The following PFKP variants were observed in gnomAD, a reference collection of about 807,000 sequenced individuals.
The protein encoded by PFKP is ATP-dependent 6-phosphofructokinase, platelet type.
Under a neutral mutation model 94.3 loss-of-function variants are expected in PFKP, and 101 were observed. That is an observed-to-expected ratio of 1.07 (90% CI 0.91 to 1.26). The LOEUF (loss-of-function observed/expected upper bound fraction) is 1.26. Ranked by LOEUF, PFKP falls within the 50% of genes most tolerant of loss-of-function variation. The pLI is 0.00. For synonymous variants in PFKP, 573 were observed against 432.6 expected (o/e 1.32, Z -4.03); for missense variants, 1,145 against 1,103.3 (o/e 1.04, Z -0.53).
intron 16 of PFKP, among the ~76,000 whole-genome samples, chr10:3,128,620 A>ACGCCTTGTT (rs1289251158): frequency 3.5e-5 from 5 of 142,988 alleles, no homozygotes; most frequent in African/African-American, 1.3e-4. Context: ...CACGCCTTGT[A>ACGCCTTGTT]CGCCTTGTTC....
chr10:3,126,559 C>T (rs1253276433), intron 16 of PFKP, among the ~76,000 whole-genome samples: 1 of 152,220 alleles, frequency 6.6e-6, no homozygotes, highest in East Asian at 1.9e-4. Context: ...GGACAGGACC[C>T]CCACCCCCTG....
At chr10:3,081,999 T>TTTTTTTC (rs1833119996) in intron 1 of PFKP, among the ~76,000 whole-genome samples, 1 of 126,220 alleles carries the variant, frequency 7.9e-6, no homozygotes, top group Non-Finnish European at 1.7e-5. Flanking sequence ...TTTTTTTTTT[T>TTTTTTTC]TTTTTTTTTT....
In PFKP at chr10:3,136,436, T is replaced by C; in HGVS notation, c.2226-14T>C. ...GACTGCAGGCCTCACTGCTGTCTCC[T>C]CTTACCTCCACAGGCACAGGATTCC... On this transcript the variant is annotated splice_polypyrimidine_tract_variant and intron_variant, in intron 21 of 21. Coordinates refer to ENST00000381125, the MANE Select transcript of PFKP (RefSeq NM_002627.5). The C allele has an allele frequency of 6.2e-7, 1 of 1,613,332 alleles. No individual in the cohort carries two copies. Among genetic ancestry groups the C allele is most frequent in the Non-Finnish European group, 8.5e-7 (1 of 1,179,532 alleles).
Position 3,079,657 on chromosome 10 carries a change from C to CGGG in PFKP, c.113-2729_113-2727dup, listed in dbSNP as rs1456588977. ...CGGTGGGAACGAGGTCTTCAGAGAGCGGGGTGGGGGGGGGGGGAAGAGGAG... is the reference window on the plus strand; with the variant it reads ...CGGTGGGAACGAGGTCTTCAGAGAGCGGGGGGGTGGGGGGGGGGGGAAGAGGAG... On this transcript the variant is annotated intron_variant, in intron 1 of 21. Coordinates refer to ENST00000381125, the MANE Select transcript of PFKP (RefSeq NM_002627.5). Among the ~76,000 whole-genome samples the CGGG allele has an allele frequency of 6.3e-3, 49 of 7,738 alleles. 1 individual carries two copies. Among genetic ancestry groups the CGGG allele is most frequent in the Admixed American group, 0.023 (16 of 690 alleles). The allele number at this position is 7,738 out of a possible 152,430, so 5.1% of individuals were successfully genotyped here. A position where few individuals can be genotyped will look rare whatever the true frequency, so the allele number is the denominator to read the frequency against.
At chr10:3,120,086 C>G (rs7071339) in intron 16 of PFKP, 42 bp downstream of exon 16, 7 of 1,605,630 alleles carry the variant, frequency 4.4e-6, no homozygotes, top group Admixed American at 1.7e-5. Context: ...CCGGCTGACG[C>G]TAACCCCGGG....
intron 18 of PFKP, 82 bp downstream of exon 18, chr10:3,132,523 A>G: frequency 1.0e-6 from 1 of 972,764 alleles, no homozygotes; most frequent in Non-Finnish European, 1.7e-6. Flanking sequence ...CTTGGGCTGG[A>G]TGAGTGGTCA....
At chr10:3,076,110 G>A (rs1479982056) in intron 1 of PFKP, among the ~76,000 whole-genome samples, 1 of 149,102 alleles carries the variant, frequency 6.7e-6, no homozygotes, top group African/African-American at 2.5e-5. Flanking sequence ...ATCAATTATT[G>A]TAGATTATTC....
At chr10:3,092,699 A>G (rs1019778373) in intron 2 of PFKP, among the ~76,000 whole-genome samples, 2 of 152,136 alleles carry the variant, frequency 1.3e-5, no homozygotes. Context: ...GGGGAAAAAA[A>G]CCTTTCCCTT....
intron 21 of PFKP, 138 bp downstream of exon 21, chr10:3,135,976 T>G: frequency 1.6e-6 from 1 of 630,408 alleles, no homozygotes; most frequent in Non-Finnish European, 2.8e-6. Context: ...AAAAAAATAC[T>G]AGGTCTTGGC....
At chr10:3,088,835 C>T (rs1328227254) in intron 2 of PFKP, among the ~76,000 whole-genome samples, 1 of 151,784 alleles carries the variant, frequency 6.6e-6, no homozygotes, top group Non-Finnish European at 1.5e-5. Context: ...CCCTTCCATA[C>T]CTCTGATAAT....
At chr10:3,111,036 G>A (rs1836175200) in intron 10 of PFKP, among the ~76,000 whole-genome samples, 1 of 151,958 alleles carries the variant, frequency 6.6e-6, no homozygotes, top group Admixed American at 6.6e-5. Flanking sequence ...GTGTGTGCAT[G>A]TATGTTTATA....
chr10:3,107,853 G>C (rs1390211641), intron 8 of PFKP: 29 of 1,282,736 alleles, frequency 2.3e-5, no homozygotes, highest in Non-Finnish European at 2.9e-5. Flanking sequence ...TGCCTGTCTG[G>C]AGAGGACTCT....
At chr10:3,127,016 A>G (rs2131685649) in intron 16 of PFKP, among the ~76,000 whole-genome samples, 1 of 152,366 alleles carries the variant, frequency 6.6e-6, no homozygotes, top group East Asian at 1.9e-4. Flanking sequence ...GAGGCCAGGG[A>G]GGCACCTCCG....
chr10:3,115,472 TGGAG>T (rs1564327781), intron 13 of PFKP, among the ~76,000 whole-genome samples: 2 of 6,728 alleles, frequency 3.0e-4, no homozygotes, highest in East Asian at 0.032. Context: ...TGTCCCGCCA[TGGAG>T]GACAGGACTG....
intron 1 of PFKP, among the ~76,000 whole-genome samples, chr10:3,075,588 G>T (rs148394815): frequency 6.9e-6 from 1 of 144,690 alleles, no homozygotes; most frequent in East Asian, 2.0e-4. Context: ...CCGCATTAAA[G>T]AAAGGCGGGG....
intron 2 of PFKP, among the ~76,000 whole-genome samples, chr10:3,088,127 T>C (rs1833762713): frequency 6.9e-6 from 1 of 145,824 alleles, no homozygotes; most frequent in Non-Finnish European, 1.5e-5. Flanking sequence ...GTATATCTCC[T>C]AATGCTATCC....
At chr10:3,076,471 C>G (rs1326056560) in intron 1 of PFKP, among the ~76,000 whole-genome samples, 4 of 152,116 alleles carry the variant, frequency 2.6e-5, no homozygotes, top group Non-Finnish European at 4.4e-5. Context: ...CCTTCTTTCT[C>G]CAAACGTCAC....
Position 3,132,460 on chromosome 10 carries a change from G to C in PFKP, c.1910+19G>C. On this transcript the variant is annotated intron_variant, in intron 18 of 21. Coordinates refer to ENST00000381125, the MANE Select transcript of PFKP (RefSeq NM_002627.5). ...TGCTCAGGTGAGAGAGAGAGACCAGGGGCTGATCTTACCCTCACCGCCACA... is the reference window on the plus strand; with the variant it reads ...TGCTCAGGTGAGAGAGAGAGACCAGCGGCTGATCTTACCCTCACCGCCACA... The C allele has an allele frequency of 6.4e-7, 1 of 1,571,970 alleles. No individual in the cohort carries two copies. The highest frequency in any genetic ancestry group is 1.1e-5 in the South Asian group (1 of 90,248).
At position 3,116,736 on chromosome 10, in the gene PFKP, T is replaced by C. The variant is rs1328548604; in HGVS notation, c.1372-40T>C. The C allele has an allele frequency of 7.4e-6, 11 of 1,495,994 alleles. 1 individual carries two copies. Among genetic ancestry groups the C allele is most frequent in the Non-Finnish European group, 1.0e-5 (11 of 1,072,360 alleles). 92.7% of individuals were successfully genotyped at this position (1,495,994 alleles called of 1,614,324 possible). On this transcript the variant is annotated intron_variant, in intron 13 of 21. Coordinates refer to ENST00000381125, the MANE Select transcript of PFKP (RefSeq NM_002627.5). ...TTAGCACTTTGCAACTTGCCTTTCA[T>C]TGTTCACTTTAGCTGTTTCGTTCTG... is the stretch of plus-strand genomic sequence containing the variant.
Sources: gnomAD v4.1 joint callset for allele counts (sites outside exome capture counted in the v4.1 genomes callset) on GRCh38, gnomAD v4.1.1 for gene constraint, MANE v1.5 for transcripts, NCBI Gene and HGNC (gene_info 2026-07-23, HGNC 2026-07-21) for gene names.